Variants in PRKG1 observed in about 807,000 individuals in gnomAD.
PRKG1 encodes the protein protein kinase cGMP-dependent 1.
Under a neutral mutation model 88.1 loss-of-function variants are expected in PRKG1, and 35 were observed. The observed-to-expected ratio is 0.40, with a 90% CI of 0.30 to 0.53. The LOEUF is 0.53. Among genes scored for constraint, PRKG1 ranks in the 20% least tolerant of loss-of-function variants. PRKG1 has a pLI of 0.59. For synonymous variants in PRKG1, 303 were observed against 292.5 expected (o/e 1.04, Z -0.37); for missense variants, 540 against 839.8 (o/e 0.64, Z 4.41).
chr10:51,280,173 C>CT (rs1021267641), intron 2 of PRKG1, among the ~76,000 whole-genome samples: 2,070 of 151,912 alleles, frequency 0.014, 47 homozygotes, highest in African/African-American at 0.047. Context: ...GTTGAAAATT[C>CT]TTTTAAGAAT....
intron 2 of PRKG1, among the ~76,000 whole-genome samples, chr10:51,234,379 C>T (rs948946496): frequency 2.0e-5 from 3 of 152,128 alleles, no homozygotes; most frequent in Admixed American, 6.6e-5. Context: ...GCTGCTGCTT[C>T]GTTGTAAGGA....
intron 2 of PRKG1, among the ~76,000 whole-genome samples, chr10:51,250,806 G>A (rs1839407563): frequency 6.6e-6 from 1 of 151,730 alleles, no homozygotes; most frequent in African/African-American, 2.4e-5. Context: ...TGTAAAAGGA[G>A]GAGGAAGTAG....
At chr10:51,096,735 A>G (rs1844539651) in intron 1 of PRKG1, among the ~76,000 whole-genome samples, 1 of 152,134 alleles carries the variant, frequency 6.6e-6, no homozygotes, top group African/African-American at 2.4e-5. Context: ...ATTACACAAG[A>G]TTATATGTGT....
intron 3 of PRKG1, among the ~76,000 whole-genome samples, chr10:51,557,730 G>T (rs1443133942): frequency 3.3e-5 from 5 of 151,938 alleles, no homozygotes; most frequent in Non-Finnish European, 7.4e-5. Flanking sequence ...AATGTATTGG[G>T]GTTGAACCTG....
intron 5 of PRKG1, among the ~76,000 whole-genome samples, chr10:51,925,360 G>A (rs931401133): frequency 1.3e-5 from 2 of 152,034 alleles, no homozygotes; most frequent in Non-Finnish European, 2.9e-5. Context: ...GAGGCTTATA[G>A]TCCTATAGCT....
At chr10:51,165,092 A>C (rs947393119) in intron 2 of PRKG1, among the ~76,000 whole-genome samples, 1 of 152,182 alleles carries the variant, frequency 6.6e-6, no homozygotes, top group African/African-American at 2.4e-5. Context: ...AAGACACATA[A>C]TTGTCAGATT....
intron 2 of PRKG1, among the ~76,000 whole-genome samples, chr10:51,175,208 T>A (rs1278431016): frequency 1.3e-5 from 2 of 151,994 alleles, no homozygotes; most frequent in Non-Finnish European, 2.9e-5. Flanking sequence ...TCAGTTATTA[T>A]AATGTACATT....
chr10:51,312,311 C>A (rs1347511252), intron 2 of PRKG1, among the ~76,000 whole-genome samples: 2 of 152,176 alleles, frequency 1.3e-5, no homozygotes, highest in East Asian at 3.9e-4. Flanking sequence ...AGAAAAATAG[C>A]TGGAAAATGA....
At chr10:51,699,316 A>G in intron 3 of PRKG1, 1 of 1,613,996 alleles carries the variant, frequency 6.2e-7, no homozygotes, top group South Asian at 1.1e-5. Context: ...ACTCCCGCCC[A>G]TTGAGGTTCC....
At chr10:51,366,370 A>AAGAGC (rs1324277807) in intron 2 of PRKG1, among the ~76,000 whole-genome samples, 1 of 151,946 alleles carries the variant, frequency 6.6e-6, no homozygotes, top group African/African-American at 2.4e-5. Context: ...TTAGATTTTA[A>AAGAGC]AGAGCATTCT....
chr10:52,163,173 T>C (rs1422718520), intron 9 of PRKG1, among the ~76,000 whole-genome samples: 1 of 151,896 alleles, frequency 6.6e-6, no homozygotes, highest in African/African-American at 2.4e-5. Flanking sequence ...TTTTTTGGTA[T>C]GTGACAAAAT....
chr10:52,081,480 C>G (rs1846773788), intron 7 of PRKG1: 10 of 425,030 alleles, frequency 2.4e-5, no homozygotes, highest in South Asian at 1.4e-4. Context: ...CCTCACACCA[C>G]CTAGCTAAAA....
rs1428737818 is a variant in PRKG1 at position 51,074,488 on chromosome 10, C to T, written c.-103C>T. On this transcript the variant is annotated 5_prime_UTR_variant, in exon 1 of 18. Coordinates refer to ENST00000373980, the MANE Select transcript of PRKG1 (RefSeq NM_006258.4). ...TGGTCTCAAGTAGGAAGCTTTGGCA[C>T]TCGGGAGGCAGCGGCGACTTTGGGG... 6.7e-7 allele frequency: 1 copy of T among 1,484,626 alleles called. No homozygotes were observed. Among genetic ancestry groups the T allele is most frequent in the Non-Finnish European group, 9.0e-7 (1 of 1,113,594 alleles). 92.0% of individuals were successfully genotyped at this position (1,484,626 alleles called of 1,614,324 possible).
intron 5 of PRKG1, among the ~76,000 whole-genome samples, chr10:51,915,056 G>T (rs955794496): frequency 3.3e-5 from 5 of 152,200 alleles, no homozygotes; most frequent in Non-Finnish European, 5.9e-5. Flanking sequence ...CTTACTTGCT[G>T]CCAGGTCCAG....
intron 2 of PRKG1, among the ~76,000 whole-genome samples, chr10:51,379,799 G>A (rs906496158): frequency 6.6e-6 from 1 of 152,186 alleles, no homozygotes; most frequent in Non-Finnish European, 1.5e-5. Context: ...AGTGCACATT[G>A]GCAGGCAGAG....
At chr10:51,198,845 A>G (rs1315817013) in intron 2 of PRKG1, among the ~76,000 whole-genome samples, 1 of 152,214 alleles carries the variant, frequency 6.6e-6, no homozygotes, top group Non-Finnish European at 1.5e-5. Flanking sequence ...TGAAACCCCT[A>G]AGTAAGATTT....
chr10:52,050,757 A>G (rs182704834), intron 5 of PRKG1, among the ~76,000 whole-genome samples: 12 of 152,332 alleles, frequency 7.9e-5, no homozygotes, highest in Admixed American at 1.3e-4. Context: ...ATGAAACACC[A>G]TATCAGATGA....
chr10:51,095,464 C>T (rs1376331047), intron 1 of PRKG1, among the ~76,000 whole-genome samples: 8 of 152,086 alleles, frequency 5.3e-5, no homozygotes, highest in Admixed American at 3.9e-4. Context: ...TATTGTAATT[C>T]CCTGTTTCCT....
At chr10:51,488,999 A>G (rs1252469717) in intron 3 of PRKG1, among the ~76,000 whole-genome samples, 1 of 152,148 alleles carries the variant, frequency 6.6e-6, no homozygotes, top group Non-Finnish European at 1.5e-5. Context: ...ACAAAACAAA[A>G]CAAAAAAACT....
Sources: gnomAD v4.1 joint callset for allele counts (sites outside exome capture counted in the v4.1 genomes callset) on GRCh38, gnomAD v4.1.1 for gene constraint, MANE v1.5 for transcripts, NCBI Gene and HGNC (gene_info 2026-07-23, HGNC 2026-07-21) for gene names.